The following STARD9 variants were observed in gnomAD, a reference collection of about 807,000 sequenced individuals.
The protein encoded by STARD9 is StAR related lipid transfer domain containing 9.
A neutral mutation model predicts 399.8 loss-of-function variants in STARD9; 346 were observed. The observed-to-expected ratio is 0.87, with a 90% CI of 0.79 to 0.95. The LOEUF (loss-of-function observed/expected upper bound fraction) is 0.95, where lower values mean the gene tolerates loss of function less well. Among genes scored for constraint, STARD9 ranks in the 40% least tolerant of loss-of-function variants. The pLI, the probability that STARD9 is intolerant of heterozygous loss-of-function variation, is 0.00. For synonymous variants in STARD9, 2,203 were observed against 2,143.5 expected (o/e 1.03, Z -0.77); for missense variants, 5,832 against 5,667.5 (o/e 1.03, Z -0.93).
At chr15:42,708,074 G>C (rs1405548223) in intron 26 of STARD9, among the ~76,000 whole-genome samples, 2 of 151,888 alleles carry the variant, frequency 1.3e-5, no homozygotes, top group African/African-American at 4.8e-5. Flanking sequence ...GATTGCTTGA[G>C]CCTGGGAAGT....
intron 11 of STARD9, 84 bp from the exon 12 acceptor site, chr15:42,663,197 C>A: frequency 8.1e-7 from 1 of 1,232,862 alleles, no homozygotes; most frequent in South Asian, 1.5e-5. Flanking sequence ...ATACTTAAGT[C>A]TGTGTTCTCC....
Position 42,693,720 on chromosome 15 carries a change from GAGC to G in STARD9, c.12143_12145del (p.Glu4048_Pro4049delinsAla). The G allele has an allele frequency of 5.2e-6, 8 of 1,537,000 alleles. No homozygotes were observed. The highest frequency in any genetic ancestry group is 7.0e-6 in the Non-Finnish European group (8 of 1,146,920). ...GGAGCATTGCCCACTGAGCGGTAGG[GAGC>G]CAAGTCAGTGGCAGAGCAGGACAGA... is the stretch of plus-strand genomic sequence containing the variant. On this transcript the variant is annotated inframe_deletion, in exon 23 of 33. Transcript: ENST00000290607.
chr15:42,587,638 C>G (rs1186136476), intron 3 of STARD9, among the ~76,000 whole-genome samples: 1 of 152,170 alleles, frequency 6.6e-6, no homozygotes, highest in Non-Finnish European at 1.5e-5. Context: ...ACCATCTCGG[C>G]TCACCACAAC....
intron 26 of STARD9, among the ~76,000 whole-genome samples, chr15:42,714,459 A>C (rs1160070172): frequency 2.0e-5 from 3 of 152,124 alleles, no homozygotes; most frequent in South Asian, 2.1e-4. Context: ...TCATAGTATT[A>C]ATTCATTTAT....
Position 42,693,452 on chromosome 15 carries a change from A to G in STARD9, c.11874A>G (p.Leu3958=). 1 of 1,537,242 alleles carries G rather than the reference A, an allele frequency of 6.5e-7. No homozygotes were observed. Among genetic ancestry groups the G allele is most frequent in the Non-Finnish European group, 8.7e-7 (1 of 1,146,918 alleles). ...MDNYSQTTDE[L]GGSQRGRSSL... ...ATTATTCCCAAACCACTGACGAGTT[A>G]GGTGGCTCCCAGAGAGGTAGAAGTT... Residue 3958 remains leucine (L), a synonymous_variant, in exon 23 of 33, where the codon TTA becomes TTG. Coordinates refer to ENST00000290607, the MANE Select transcript of STARD9 (RefSeq NM_020759.3).
At position 42,663,324 on chromosome 15, in the gene STARD9, C is replaced by G; in HGVS notation, c.912C>G (p.Ser304Arg). The G allele has an allele frequency of 6.5e-7, 1 of 1,537,368 alleles. No individual in the cohort carries two copies. The highest frequency in any genetic ancestry group is 8.7e-7 in the Non-Finnish European group (1 of 1,146,914). ...QVFSSCQSLN[S>R]SVSNGGDSGI... Reference sequence around the variant, plus strand: ...TCAGCAGCTGCCAGAGCCTCAACAGCTCAGTCAGCAATGGTGGTGACAGTG... The same window carrying G: ...TCAGCAGCTGCCAGAGCCTCAACAGGTCAGTCAGCAATGGTGGTGACAGTG... The change falls in exon 12 of 33, where the codon AGC (serine) becomes AGG (arginine). Residue 304 changes from serine (S) to arginine (R), a missense_variant. By Grantham distance (110) the Ser-to-Arg change is moderately radical. This residue lies in a region of STARD9 where 5,828 missense variants were observed against 5,651.1 expected (regional missense o/e 1.03). Coordinates refer to ENST00000290607, the MANE Select transcript of STARD9 (RefSeq NM_020759.3).
chr15:42,582,154 A>T (rs1194854325), intron 1 of STARD9, among the ~76,000 whole-genome samples: 1 of 152,136 alleles, frequency 6.6e-6, no homozygotes, highest in Admixed American at 6.5e-5. Flanking sequence ...AAATCAATAA[A>T]CAAAATTAAA....
At chr15:42,655,967 G>GA (rs1364801673) in intron 9 of STARD9, among the ~76,000 whole-genome samples, 1 of 151,746 alleles carries the variant, frequency 6.6e-6, no homozygotes, top group Admixed American at 6.6e-5. Flanking sequence ...ACAAACATAG[G>GA]AAAAAAATGC....
At chr15:42,673,976 T>C (rs1342735447) in intron 16 of STARD9, 1 of 456,684 alleles carries the variant, frequency 2.2e-6, no homozygotes, top group Non-Finnish European at 4.4e-6. Context: ...AAAAATCCTG[T>C]GTTTCCATAA....
chr15:42,665,882 C>T, intron 15 of STARD9, 34 bp downstream of exon 15: 8 of 1,520,416 alleles, frequency 5.3e-6, no homozygotes, highest in Non-Finnish European at 7.1e-6. Context: ...TTGTTCTTTA[C>T]ATCACCTGGG....
chr15:42,580,727 G>A (rs373189980), intron 1 of STARD9, among the ~76,000 whole-genome samples: 10 of 152,082 alleles, frequency 6.6e-5, no homozygotes, highest in East Asian at 1.9e-4. Context: ...CAGGAGAATC[G>A]CTTGAACCCG....
intron 1 of STARD9, among the ~76,000 whole-genome samples, chr15:42,578,988 T>C (rs185026132): frequency 3.5e-4 from 53 of 152,342 alleles, no homozygotes; most frequent in African/African-American, 1.3e-3. Context: ...CCCTGGGATC[T>C]GATTTCTTAC....
At chr15:42,648,705 T>G (rs145752690) in intron 7 of STARD9, among the ~76,000 whole-genome samples, 125 of 152,254 alleles carry the variant, frequency 8.2e-4, no homozygotes, top group Middle Eastern at 3.4e-3. Context: ...AATTGTGCTT[T>G]TGTATCTTCT....
chr15:42,719,667 T>A lies in STARD9; in HGVS notation c.*93T>A. ...CTCCTTGTTACTTTCCATACCACAG[T>A]GCAGGAAAAGCTGATGCTACCTGCT... On this transcript the variant is annotated 3_prime_UTR_variant, in exon 33 of 33. Coordinates refer to ENST00000290607, the MANE Select transcript of STARD9 (RefSeq NM_020759.3). 3 of 838,326 alleles carry A rather than the reference T, an allele frequency of 3.6e-6. No homozygotes were observed. Among genetic ancestry groups the A allele is most frequent in the Non-Finnish European group, 5.6e-6 (3 of 534,514 alleles). The allele number at this position is 838,326 out of a possible 1,614,324, so 51.9% of individuals were successfully genotyped here. A position where few individuals can be genotyped will look rare whatever the true frequency, so the allele number is the denominator to read the frequency against.
At position 42,686,866 on chromosome 15, in the gene STARD9, T is replaced by G. The variant is rs1193793083; in HGVS notation, c.5288T>G (p.Ile1763Ser). The change falls in exon 23 of 33, where the codon ATT (isoleucine) becomes AGT (serine). Residue 1763 changes from isoleucine (I) to serine (S), a missense_variant. Physicochemically the swap from Ile to Ser is moderately radical, Grantham distance 142 (BLOSUM62 -2). Around this residue, in one of 2 missense-constraint regions of STARD9, gnomAD observed 5,828 missense variants for 5,651.1 expected, o/e 1.03. Transcript: ENST00000290607. ...RDALTETALE[I>S]PACREVRVPS... ...GCCCTGACAGAAACTGCCTTAGAGA[T>G]TCCAGCTTGCAGAGAAGTAAGGGTA... The G allele has an allele frequency of 8.5e-6, 13 of 1,536,898 alleles. No individual in the cohort carries two copies. The highest frequency in any genetic ancestry group is 5.9e-5 in the Admixed American group (3 of 50,970).
Position 42,684,545 on chromosome 15 carries a change from G to A in STARD9, c.2967G>A (p.Gly989=). Reference sequence around the variant, plus strand: ...CAGACCCTAGCCACACACAAGCTGGGTGGCGAAAAGAAGGGAACCTTGGGA... The same window carrying A: ...CAGACCCTAGCCACACACAAGCTGGATGGCGAAAAGAAGGGAACCTTGGGA... The part of the protein sequence containing the change: ...GLADPSHTQA[G]WRKEGNLGTH... Residue 989 remains glycine (G), a synonymous_variant, in exon 23 of 33, where the codon GGG becomes GGA. Coordinates refer to ENST00000290607, the MANE Select transcript of STARD9 (RefSeq NM_020759.3). The A allele has an allele frequency of 6.5e-7, 1 of 1,537,258 alleles. No homozygotes were observed. Among genetic ancestry groups the A allele is most frequent in the East Asian group, 2.4e-5 (1 of 40,910 alleles).
chr15:42,692,489 A>G lies in STARD9; in HGVS notation c.10911A>G (p.Thr3637=). ...CTGTGGGACAGACCAGGACGAACACATTCGAACAGGGCACACAGACCCTCG... is the reference window on the plus strand; with the variant it reads ...CTGTGGGACAGACCAGGACGAACACGTTCGAACAGGGCACACAGACCCTCG... ...GCPVGQTRTN[T]FEQGTQTLGS... is the part of the protein sequence containing the mutation. Residue 3637 remains threonine, a synonymous_variant, in exon 23 of 33, where the codon ACA becomes ACG. Coordinates refer to ENST00000290607, the MANE Select transcript of STARD9 (RefSeq NM_020759.3). The G allele has an allele frequency of 2.0e-6, 3 of 1,537,110 alleles. No individual in the cohort carries two copies. Among genetic ancestry groups the G allele is most frequent in the Non-Finnish European group, 2.6e-6 (3 of 1,146,890 alleles).
At chr15:42,647,799 G>T (rs150800660) in intron 7 of STARD9, among the ~76,000 whole-genome samples, 1 of 152,104 alleles carries the variant, frequency 6.6e-6, no homozygotes, top group Non-Finnish European at 1.5e-5. Flanking sequence ...CCTGTTTTAT[G>T]TTCCTTTTTC....
At chr15:42,632,108 A>G (rs2059343660) in intron 3 of STARD9, among the ~76,000 whole-genome samples, 1 of 152,138 alleles carries the variant, frequency 6.6e-6, no homozygotes, top group South Asian at 2.1e-4. Context: ...TGCTTTATAT[A>G]TATCTGGGTG....
Sources: allele counts gnomAD v4.1 joint callset (sites outside exome capture counted in the v4.1 genomes callset), GRCh38; gene constraint gnomAD v4.1.1; regional missense constraint gnomAD v4.1.1; transcripts MANE v1.5; gene names NCBI Gene and HGNC (gene_info 2026-07-23, HGNC 2026-07-21).